The following SNX6 variants were observed in gnomAD, a reference collection of about 807,000 sequenced individuals.
SNX6 encodes sorting nexin 6.
A neutral mutation model predicts 63.0 loss-of-function variants in SNX6; 34 were observed. The ratio of observed to expected loss-of-function variants is 0.54; its 90% CI spans 0.41 to 0.72. The LOEUF (loss-of-function observed/expected upper bound fraction) is 0.72, where lower values mean the gene tolerates loss of function less well. Among genes scored for constraint, SNX6 ranks in the 30% least tolerant of loss-of-function variants. The pLI, the probability that SNX6 is intolerant of heterozygous loss-of-function variation, is 0.00. For synonymous variants in SNX6, 170 were observed against 164.2 expected (o/e 1.04, Z -0.27); for missense variants, 398 against 471.4 (o/e 0.84, Z 1.44).
intron 2 of SNX6, among the ~76,000 whole-genome samples, chr14:34,612,646 C>T (rs939267274): frequency 2.0e-5 from 3 of 151,952 alleles, no homozygotes; most frequent in African/African-American, 7.2e-5. Context: ...GTTAGCCAGT[C>T]TGGTCTTCAA....
intron 2 of SNX6, among the ~76,000 whole-genome samples, chr14:34,626,628 C>T (rs1205725508): frequency 1.4e-5 from 2 of 143,184 alleles, no homozygotes; most frequent in Non-Finnish European, 3.0e-5. Flanking sequence ...GAGATCACGC[C>T]ACTGCACTCC....
chr14:34,576,301 A>G (rs1173306156), intron 10 of SNX6, among the ~76,000 whole-genome samples: 5 of 151,970 alleles, frequency 3.3e-5, no homozygotes, highest in Non-Finnish European at 5.9e-5. Flanking sequence ...AGTTTTAACT[A>G]TAGTATCCAT....
At chr14:34,565,296 C>G (rs1006024240) in intron 13 of SNX6, among the ~76,000 whole-genome samples, 1 of 151,914 alleles carries the variant, frequency 6.6e-6, no homozygotes, top group Admixed American at 6.6e-5. Context: ...CCAGGATGGT[C>G]TCGATCTCCT....
intron 4 of SNX6, among the ~76,000 whole-genome samples, chr14:34,606,007 C>T (rs1883001688): frequency 6.6e-6 from 1 of 151,670 alleles, no homozygotes; most frequent in South Asian, 2.1e-4. Context: ...AATCCCGTCT[C>T]TACCAAAAAT....
chr14:34,621,226 C>T (rs1016313022), intron 2 of SNX6, among the ~76,000 whole-genome samples: 1 of 152,114 alleles, frequency 6.6e-6, no homozygotes, highest in Non-Finnish European at 1.5e-5. Flanking sequence ...GGATTATAGA[C>T]ATGAGCCACT....
chr14:34,571,975 C>T (rs951630634), intron 11 of SNX6, among the ~76,000 whole-genome samples: 2 of 152,148 alleles, frequency 1.3e-5, no homozygotes, highest in Admixed American at 6.6e-5. Flanking sequence ...GGTGAGCCAC[C>T]ACGCCCAGCC....
At chr14:34,576,703 C>G (rs1476634188) in intron 10 of SNX6, among the ~76,000 whole-genome samples, 1 of 151,922 alleles carries the variant, frequency 6.6e-6, no homozygotes, top group African/African-American at 2.4e-5. Context: ...CCTGCCTCAG[C>G]CTTCCAAAGT....
chr14:34,603,851 T>G (rs1187961178), intron 5 of SNX6, among the ~76,000 whole-genome samples: 1 of 152,090 alleles, frequency 6.6e-6, no homozygotes, highest in Non-Finnish European at 1.5e-5. Context: ...TTAAACAACT[T>G]AGTACAAAAA....
intron 8 of SNX6, among the ~76,000 whole-genome samples, chr14:34,588,280 TACAGGTGTGAGTC>T (rs1463433192): frequency 6.6e-6 from 1 of 152,130 alleles, no homozygotes; most frequent in Non-Finnish European, 1.5e-5. Context: ...GTGCTGGGAT[TACAGGTGTGAGTC>T]ACTGCGCCCA....
intron 2 of SNX6, among the ~76,000 whole-genome samples, chr14:34,621,729 C>T (rs543570629): frequency 6.6e-6 from 1 of 152,288 alleles, no homozygotes; most frequent in Admixed American, 6.5e-5. Context: ...CCATGTATTA[C>T]TTATTCAGTC....
intron 2 of SNX6, among the ~76,000 whole-genome samples, chr14:34,628,558 G>A (rs1883916908): frequency 6.6e-6 from 1 of 152,052 alleles, no homozygotes; most frequent in Non-Finnish European, 1.5e-5. Flanking sequence ...AAGCCCAGGA[G>A]GTCAAGGCTG....
chr14:34,581,194 G>A (rs769133440), intron 10 of SNX6, among the ~76,000 whole-genome samples: 1 of 151,964 alleles, frequency 6.6e-6, no homozygotes, highest in African/African-American at 2.4e-5. Flanking sequence ...TTGCTCTCTC[G>A]CCAGGCTGGA....
chr14:34,597,519 T>G (rs1882651331), intron 7 of SNX6, 31 bp downstream of exon 7: 1 of 1,269,940 alleles, frequency 7.9e-7, no homozygotes, highest in Middle Eastern at 1.9e-4. Flanking sequence ...AAGTCTCAAC[T>G]AATACCACAG....
rs544247701 is a variant in SNX6, at chr14:34,589,829, A to G, written c.718+3216T>C. Among the ~76,000 whole-genome samples, 73 of 145,080 alleles carry G rather than the reference A, an allele frequency of 5.0e-4. 1 individual carries two copies. Among genetic ancestry groups the G allele is most frequent in the Non-Finnish European group, 6.9e-4 (45 of 64,828 alleles). ...AGACAGAGAGAGACTCTGTCTAGGG[A>G]AAAAAAAAAATGGAGTCTGGTGGCT... On this transcript the variant is annotated intron_variant, in intron 8 of 13. Transcript: ENST00000362031.
chr14:34,598,449 T>C lies in SNX6; in HGVS notation c.517-804A>G, dbSNP rs183327870. ...TCTGTCATCCAAGGCTGAAGTGCAG[T>C]GGCGTGATCTTGGCTCACTGCAACA... On this transcript the variant is annotated intron_variant, in intron 6 of 13. Coordinates refer to ENST00000362031, the MANE Select transcript of SNX6 (RefSeq NM_152233.4). 9.8e-4 allele frequency among the ~76,000 whole-genome samples: 150 copies of C among 152,326 alleles called. 1 individual carries two copies. Among genetic ancestry groups the C allele is most frequent in the Admixed American group, 9.0e-3 (138 of 15,288 alleles).
At chr14:34,581,631 ACATT>A (rs1881939923) in intron 9 of SNX6, 31 bp from the exon 10 acceptor site, 2 of 1,334,496 alleles carry the variant, frequency 1.5e-6, no homozygotes, top group Non-Finnish European at 2.1e-6. Context: ...ATCATATTCT[ACATT>A]CAAAGTAATT....
At chr14:34,629,724 C>T in intron 2 of SNX6, 183 bp downstream of exon 2, 1 of 1,017,390 alleles carries the variant, frequency 9.8e-7, no homozygotes, top group East Asian at 2.6e-5. Context: ...GAATCGGAGC[C>T]GAGCGGCCCC....
Position 34,629,233 on chromosome 14 carries a change from T to C in SNX6, c.54+674A>G, listed in dbSNP as rs192175354. Among the ~76,000 whole-genome samples the C allele has an allele frequency of 5.5e-4, 84 of 152,182 alleles. 1 individual carries two copies. The highest frequency in any genetic ancestry group is 1.0e-3 in the Non-Finnish European group (71 of 68,024). On this transcript the variant is annotated intron_variant, in intron 2 of 13. Coordinates refer to ENST00000362031, the MANE Select transcript of SNX6 (RefSeq NM_152233.4). ...TATTCGTGTATTAAAATATAATGTA[T>C]ACCTTAAGTATATACAATTATCAAC...
intron 5 of SNX6, chr14:34,604,146 C>A (rs1261153203): frequency 1.6e-6 from 2 of 1,277,902 alleles, no homozygotes; most frequent in Admixed American, 5.0e-5. Context: ...AGCAAACCAG[C>A]AGGACCAATG....
Sources: allele counts gnomAD v4.1 joint callset (sites outside exome capture counted in the v4.1 genomes callset), GRCh38; gene constraint gnomAD v4.1.1; transcripts MANE v1.5; gene names NCBI Gene and HGNC (gene_info 2026-07-23, HGNC 2026-07-21).